Variants in CES4A observed in about 807,000 individuals in gnomAD.
The protein encoded by CES4A is carboxylesterase 4A.
CES4A carries 48 observed loss-of-function variants against 65.4 expected under a neutral mutation model. That is an observed-to-expected ratio of 0.73 (90% CI 0.58 to 0.93). The LOEUF (loss-of-function observed/expected upper bound fraction) is 0.93, where lower values mean the gene tolerates loss of function less well. Among genes scored for constraint, CES4A ranks in the 40% least tolerant of loss-of-function variants. The probability of loss-of-function intolerance (pLI) is 0.00; values close to 1 mark genes in which losing one functional copy is unlikely to be tolerated. For synonymous variants in CES4A, 247 were observed against 281.8 expected, an observed-to-expected ratio of 0.88 and a Z score of 1.24; for missense variants, 685 against 728.5, an observed-to-expected ratio of 0.94 and a Z score of 0.69.
At chr16:66,997,858 GAGGCTGA>G in intron 2 of CES4A, among the ~76,000 whole-genome samples, 1 of 151,942 alleles carries the variant, frequency 6.6e-6, no homozygotes, top group South Asian at 2.1e-4. Context: ...AGCTACTTGG[GAGGCTGA>G]AGTAAGAGGA....
At chr16:66,994,248 A>ATTTATTTATTT (rs1384488029) in intron 1 of CES4A, among the ~76,000 whole-genome samples, 2 of 147,498 alleles carry the variant, frequency 1.4e-5, no homozygotes, top group African/African-American at 5.0e-5. Flanking sequence ...TTATTTATTT[A>ATTTATTTATTT]TTTTTTGAGA....
intron 1 of CES4A, among the ~76,000 whole-genome samples, chr16:66,993,847 A>G (rs997592151): frequency 4.6e-5 from 7 of 152,002 alleles, no homozygotes; most frequent in African/African-American, 1.7e-4. Context: ...CATGCCTGTA[A>G]TCCCAGCAGT....
exon 14 of CES4A, chr16:67,009,552 C>T (rs1176498623): frequency 4.7e-5 from 8 of 169,456 alleles, no homozygotes; most frequent in Admixed American, 1.7e-4. Flanking sequence ...TGGCATTTAC[C>T]ATCCATCCTG....
At chr16:67,004,336 C>T (rs1401401545) in intron 9 of CES4A, 112 bp downstream of exon 9, 2 of 1,204,026 alleles carry the variant, frequency 1.7e-6, no homozygotes, top group African/African-American at 1.5e-5. Context: ...ATGCCAGTAG[C>T]CCCTCTGTGG....
downstream of CES4A, among the ~76,000 whole-genome samples, chr16:67,010,030 G>C (rs1002392963): frequency 2.0e-5 from 3 of 150,786 alleles, no homozygotes; most frequent in African/African-American, 4.9e-5. Context: ...GTGTATCCCA[G>C]CCTGTCCCAC....
chr16:67,009,011 TACA>T (rs770494977), exon 14 of CES4A: 40 of 1,614,080 alleles, frequency 2.5e-5, no homozygotes, highest in African/African-American at 1.7e-4. Flanking sequence ...CTGGCCACGC[TACA>T]ACAAGGATGA....
intron 1 of CES4A, among the ~76,000 whole-genome samples, chr16:66,993,608 T>C (rs1964567309): frequency 6.6e-6 from 1 of 152,104 alleles, no homozygotes; most frequent in Non-Finnish European, 1.5e-5. Flanking sequence ...CCTCCCAAAG[T>C]GCTGGGATTA....
chr16:66,999,706 G>A (rs575223899), intron 2 of CES4A, among the ~76,000 whole-genome samples: 1 of 152,304 alleles, frequency 6.6e-6, no homozygotes, highest in South Asian at 2.1e-4. Flanking sequence ...CAAGATTGAG[G>A]TAGGAGAATT....
Position 67,003,265 on chromosome 16 carries a change from C to T in CES4A, c.805C>T (p.His269Tyr). 1.2e-6 allele frequency: 2 copies of T among 1,614,132 alleles called. No individual in the cohort carries two copies. The highest frequency in any genetic ancestry group is 1.7e-6 in the Non-Finnish European group (2 of 1,180,004). ...TTTCTTCTCTCTATAGAAGGTTGCC[C>T]ACCTGGCTGGATGCAACCACAACAG... The change falls in exon 7 of 14, where the codon CAC becomes TAC. Residue 269 changes from histidine to tyrosine, a missense_variant. By Grantham distance (83) the His-to-Tyr change is moderately conservative. Coordinates refer to ENST00000648724, the Ensembl canonical transcript of CES4A. The surrounding 1 kb of genome is among the most constrained non-coding windows in gnomAD (Gnocchi z 4.2).
chr16:67,004,343 G>A (rs1965587616), intron 9 of CES4A, 119 bp downstream of exon 9: 1 of 1,106,240 alleles, frequency 9.0e-7, no homozygotes. Flanking sequence ...TAGCCCCTCT[G>A]TGGATGCCCT....
In CES4A at chr16:67,003,821, G is replaced by T. The variant is rs1965537104; in HGVS notation, c.940-263G>T. Among the ~76,000 whole-genome samples the T allele has an allele frequency of 6.6e-6, 1 of 152,220 alleles. No homozygotes were observed. Among genetic ancestry groups the T allele is most frequent in the Non-Finnish European group, 1.5e-5 (1 of 68,048 alleles). On this transcript the variant is annotated intron_variant, in intron 8 of 13. Coordinates refer to ENST00000648724, the Ensembl canonical transcript of CES4A. The surrounding 1 kb of genome is among the most constrained non-coding windows in gnomAD (Gnocchi z 4.2). ...AATAGAATGGCTAGAACAGGACTCA[G>T]TGAAGTGAAATTTAGCAAAGATTTT...
chr16:67,003,213 G>C lies in CES4A; in HGVS notation c.795+39G>C, dbSNP rs911648724. 1 of 1,612,286 alleles carries C rather than the reference G, an allele frequency of 6.2e-7. No individual in the cohort carries two copies. Among genetic ancestry groups the C allele is most frequent in the African/African-American group, 1.3e-5 (1 of 75,002 alleles). On this transcript the variant is annotated intron_variant, in intron 6 of 13. Transcript: ENST00000648724. The surrounding 1 kb of genome is among the most constrained non-coding windows in gnomAD (Gnocchi z 4.2). ...CTTCCCCAGGGCTCAGCATGGAAGG[G>C]CAGGATGGAAGCACCACTGAGCATC...
chr16:67,009,823 T>TC (rs1966042251), downstream of CES4A: 1 of 152,302 alleles, frequency 6.6e-6, no homozygotes, highest in African/African-American at 2.4e-5. Flanking sequence ...TGCTGCCTGT[T>TC]CCTTAGTGGG....
exon 10 of CES4A, chr16:67,004,848 T>C: frequency 1.3e-6 from 2 of 1,536,062 alleles, no homozygotes; most frequent in South Asian, 1.2e-5. Flanking sequence ...ATCACTAAGA[T>C]GCTCTGGAGT....
chr16:66,998,726 G>A (rs1377631556), intron 2 of CES4A, among the ~76,000 whole-genome samples: 1 of 152,108 alleles, frequency 6.6e-6, no homozygotes, highest in Non-Finnish European at 1.5e-5. Context: ...AATTAGCTAG[G>A]TGTCGTGGCA....
At chr16:66,991,590 A>G (rs893195197) in intron 1 of CES4A, among the ~76,000 whole-genome samples, 1 of 152,120 alleles carries the variant, frequency 6.6e-6, no homozygotes, top group Non-Finnish European at 1.5e-5. Flanking sequence ...GATGGGGACC[A>G]CTCCATGGCA....
chr16:66,994,990 A>G (rs578097506), intron 1 of CES4A, among the ~76,000 whole-genome samples: 6 of 134,404 alleles, frequency 4.5e-5, no homozygotes, highest in Admixed American at 3.7e-4. Flanking sequence ...GGCGATAGAG[A>G]AAGACCCCAT....
rs1036105741 is a variant in CES4A, at chr16:67,001,258, G to T, written c.537-50G>T. On this transcript the variant is annotated intron_variant, in intron 4 of 13. Transcript: ENST00000648724. The surrounding 1 kb of genome is among the most constrained non-coding windows in gnomAD (Gnocchi z 4.1). ...GAAGCCCAGGAGGGCAGCCCAACGCGCCCCGACTGTCGAGGCCCGGGACCC... is the reference window on the plus strand; with the variant it reads ...GAAGCCCAGGAGGGCAGCCCAACGCTCCCCGACTGTCGAGGCCCGGGACCC... 4 of 1,530,124 alleles carry T rather than the reference G, an allele frequency of 2.6e-6. No homozygotes were observed. The East Asian group carries it at 9.2e-5, about 35-fold the overall frequency. 94.8% of individuals were successfully genotyped at this position (1,530,124 alleles called of 1,614,324 possible).
intron 2 of CES4A, among the ~76,000 whole-genome samples, chr16:66,998,896 G>A (rs187909836): frequency 1.5e-4 from 23 of 152,276 alleles, no homozygotes; most frequent in Admixed American, 3.9e-4. Flanking sequence ...TAGAGCAAAG[G>A]GGAATATAAT....
Sources: gnomAD v4.1 joint callset for allele counts (sites outside exome capture counted in the v4.1 genomes callset) on GRCh38, gnomAD v4.1.1 for gene constraint, Gnocchi (gnomAD v3.1) non-coding constraint, MANE v1.5 for transcripts, NCBI Gene and HGNC (gene_info 2026-07-23, HGNC 2026-07-21) for gene names.